Variants in MRPL42 observed in about 807,000 individuals in gnomAD.
MRPL42 encodes the protein large ribosomal subunit protein mL42.
A neutral mutation model predicts 17.9 loss-of-function variants in MRPL42; 17 were observed. That is an observed-to-expected ratio of 0.95 (90% confidence interval 0.65 to 1.42). MRPL42 has a LOEUF of 1.42. Among genes scored for constraint, MRPL42 ranks in the 40% most tolerant of loss-of-function variants. The pLI is 0.00. For missense variants in MRPL42, 177 were observed against 175.2 expected (o/e 1.01, Z -0.06); for synonymous variants, 59 against 54.4 (o/e 1.08, Z -0.37).
Position 93,514,933 on chromosome 12 carries a change from C to T in MRPL42, c.*13712C>T, listed in dbSNP as rs1259026799. 1 of 152,088 alleles carries T rather than the reference C, an allele frequency of 6.6e-6. No homozygotes were observed. The allele number at this position is 152,088 out of a possible 1,614,324, so 9.4% of individuals were successfully genotyped here. On this transcript the variant is annotated 3_prime_UTR_variant, in exon 6 of 6. Coordinates refer to ENST00000549982, the MANE Select transcript of MRPL42 (RefSeq NM_014050.4). ...CATTTTTTAGCAGTCATGTCATCCT[C>T]TTGATTTGCATTGAGTCATCATTTC...
intron 3 of MRPL42, 108 bp from the exon 4 acceptor site, chr12:93,479,280 C>T: frequency 3.3e-6 from 2 of 602,538 alleles, no homozygotes; most frequent in Non-Finnish European, 5.2e-6. Context: ...GCCCACTGCA[C>T]TCCAGCCTGG....
chr12:93,469,308 G>T lies in MRPL42; in HGVS notation c.23G>T (p.Trp8Leu). 6.2e-7 allele frequency: 1 copy of T among 1,611,320 alleles called. No homozygotes were observed. The highest frequency in any genetic ancestry group is 1.1e-5 in the South Asian group (1 of 90,132). ...ACCATGGCTGTAGCTGCAGTAAAATGGGTGATGTCAAAGAGAACTATCTTG... is the reference window on the plus strand; with the variant it reads ...ACCATGGCTGTAGCTGCAGTAAAATTGGTGATGTCAAAGAGAACTATCTTG... MAVAAVK[W>L]VMSKRTILKH... Residue 8 changes from tryptophan to leucine, a missense_variant, in exon 2 of 6, where the codon TGG becomes TTG. Trp to Leu is a moderately conservative substitution (Grantham distance 61, BLOSUM62 -2). Coordinates refer to ENST00000549982, the MANE Select transcript of MRPL42 (RefSeq NM_014050.4).
rs1953764100 is a variant in MRPL42, at chr12:93,514,783, T to C, written c.*13562T>C. 6.6e-6 allele frequency: 1 copy of C among 152,236 alleles called. No individual in the cohort carries two copies. The highest frequency in any genetic ancestry group is 1.5e-5 in the Non-Finnish European group (1 of 68,046). 9.4% of individuals were successfully genotyped at this position (152,236 alleles called of 1,614,324 possible). On this transcript the variant is annotated 3_prime_UTR_variant, in exon 6 of 6. Transcript: ENST00000549982. ...GACATGTTTCCAGAACTCTCCCTTA[T>C]CCTGATTGTCCTCCTTTAGACACAT...
At chr12:93,480,411 G>A (rs199539026) in intron 4 of MRPL42, among the ~76,000 whole-genome samples, 27 of 151,834 alleles carry the variant, frequency 1.8e-4, no homozygotes, top group East Asian at 5.8e-4. Context: ...ATGAGCCACC[G>A]TGCCCGGCCT....
chr12:93,471,119 A>G (rs1365965087), intron 2 of MRPL42, among the ~76,000 whole-genome samples: 1 of 152,204 alleles, frequency 6.6e-6, no homozygotes, highest in Admixed American at 6.5e-5. Flanking sequence ...TACTCAGTAA[A>G]CACCTTTGTT....
At position 93,511,955 on chromosome 12, in the gene MRPL42, GTT is replaced by G. The variant is rs1196274837; in HGVS notation, c.*10735_*10736del. 2.6e-5 allele frequency: 4 copies of G among 152,166 alleles called. No homozygotes were observed. Among genetic ancestry groups the G allele is most frequent in the Admixed American group, 6.5e-5 (1 of 15,272 alleles). 9.4% of individuals were successfully genotyped at this position (152,166 alleles called of 1,614,324 possible). A position where few individuals can be genotyped will look rare whatever the true frequency, so the allele number is the denominator to read the frequency against. ...GCATATCAACTGAACTGTACAGTGT[GTT>G]CAGTGACTTAGTAAAGAACATAACT... is the stretch of plus-strand genomic sequence containing the variant. On this transcript the variant is annotated 3_prime_UTR_variant, in exon 6 of 6. Transcript: ENST00000549982.
chr12:93,485,101 C>G (rs1880677223), intron 4 of MRPL42, among the ~76,000 whole-genome samples: 1 of 144,378 alleles, frequency 6.9e-6, no homozygotes, highest in Admixed American at 7.1e-5. Context: ...TCCTTTGCCA[C>G]TTTGACCTTC....
intron 4 of MRPL42, among the ~76,000 whole-genome samples, chr12:93,486,409 A>G (rs569250626): frequency 3.3e-5 from 5 of 152,158 alleles, no homozygotes; most frequent in South Asian, 4.2e-4. Context: ...CAATGGTGCA[A>G]TCTTGGCTCA....
At chr12:93,487,813 C>G (rs1388354598) in intron 5 of MRPL42, 153 bp downstream of exon 5, 2 of 643,296 alleles carry the variant, frequency 3.1e-6, no homozygotes, top group Non-Finnish European at 5.0e-6. Context: ...TTTTTCTTTT[C>G]TGAGACAGGA....
Position 93,479,417 on chromosome 12 carries a change from G to A in MRPL42, c.164G>A (p.Gly55Asp), listed in dbSNP as rs1016835893. Residue 55 changes from glycine to aspartate, a missense_variant, in exon 4 of 6, where the codon GGC (glycine) becomes GAC (aspartate). Physicochemically the swap from Gly to Asp is moderately conservative, Grantham distance 94 (BLOSUM62 -1). Coordinates refer to ENST00000549982, the MANE Select transcript of MRPL42 (RefSeq NM_014050.4). The part of the protein sequence containing the change: ...CNVELALTSD[G>D]RTIVCYHPSV... ...GTAGAGCTTGCTCTGACTTCTGATG[G>A]CAGGACAATAGTATGCTACCACCCT... 3 of 1,611,224 alleles carry A rather than the reference G, an allele frequency of 1.9e-6. No homozygotes were observed. Among genetic ancestry groups the A allele is most frequent in the African/African-American group, 2.7e-5 (2 of 74,740 alleles).
chr12:93,485,991 A>T (rs896839517), intron 4 of MRPL42, among the ~76,000 whole-genome samples: 3 of 147,270 alleles, frequency 2.0e-5, no homozygotes, highest in Non-Finnish European at 4.4e-5. Context: ...TTGTTTTTAA[A>T]TTTTTTGTAG....
At chr12:93,494,583 A>T (rs1953460675) in intron 5 of MRPL42, among the ~76,000 whole-genome samples, 1 of 152,212 alleles carries the variant, frequency 6.6e-6, no homozygotes, top group Non-Finnish European at 1.5e-5. Flanking sequence ...AGTTAGACAC[A>T]TACCAAGTTA....
At chr12:93,470,879 G>A (rs1879878630) in intron 2 of MRPL42, among the ~76,000 whole-genome samples, 1 of 152,170 alleles carries the variant, frequency 6.6e-6, no homozygotes, top group Non-Finnish European at 1.5e-5. Context: ...TTGTTTCCAT[G>A]TCTTCGCTAT....
At chr12:93,488,353 C>G in intron 5 of MRPL42, 2 of 398,560 alleles carry the variant, frequency 5.0e-6, no homozygotes, top group Middle Eastern at 6.3e-4. Context: ...AGTGATCCTC[C>G]TCCCTCAGCT....
In MRPL42 at chr12:93,487,497, CCT is replaced by C; in HGVS notation, c.221_222del (p.Pro74HisfsTer9). ...ATGTTTGTTACTGATTATTTTGTAG[CCT>C]ATCCCTCGGCCAGATCCTGTGCATA... Reference protein sequence around the residue: ...SVDIPYEHTKPIPRPDPVHNN... With the variant: ...SVDIPYEHTKXIPRPDPVHNN... On this transcript the variant is annotated frameshift_variant and splice_region_variant, in exon 5 of 6. Coordinates refer to ENST00000549982, the MANE Select transcript of MRPL42 (RefSeq NM_014050.4). LOFTEE classifies it high-confidence loss of function. The C allele has an allele frequency of 6.2e-7, 1 of 1,607,460 alleles. No homozygotes were observed. Among genetic ancestry groups the C allele is most frequent in the East Asian group, 2.2e-5 (1 of 44,840 alleles).
intron 4 of MRPL42, among the ~76,000 whole-genome samples, chr12:93,485,515 A>C (rs1468774654): frequency 1.3e-5 from 2 of 151,514 alleles, no homozygotes; most frequent in South Asian, 4.2e-4. Flanking sequence ...TATTTAATAC[A>C]GTGGTAGAAT....
Position 93,515,974 on chromosome 12 carries a change from A to G in MRPL42, c.*14753A>G, listed in dbSNP as rs1472199346. ...ATGAGCAACTGCTACTTTACCAGTG[A>G]CAGCTTTGTCCCAGCTCTAGTCTGC... On this transcript the variant is annotated 3_prime_UTR_variant, in exon 6 of 6. Coordinates refer to ENST00000549982, the MANE Select transcript of MRPL42 (RefSeq NM_014050.4). 1.3e-5 allele frequency: 2 copies of G among 152,218 alleles called. No individual in the cohort carries two copies. The highest frequency in any genetic ancestry group is 2.9e-5 in the Non-Finnish European group (2 of 68,046). 9.4% of individuals were successfully genotyped at this position (152,218 alleles called of 1,614,324 possible).
chr12:93,484,979 CATAT>C (rs4020795), intron 4 of MRPL42, among the ~76,000 whole-genome samples: 669 of 22,422 alleles, frequency 0.03, 18 homozygotes, highest in Non-Finnish European at 0.045. Context: ...CACACACACA[CATAT>C]ATATATATAT....
chr12:93,516,028 A>C lies in MRPL42; in HGVS notation c.*14807A>C, dbSNP rs996210679. The stretch of plus-strand genomic sequence containing the variant: ...CCCTATAGAGAAGATGTATTGAGAT[A>C]ATCATGAAATTCTCCTTCTTTCTGA... On this transcript the variant is annotated 3_prime_UTR_variant, in exon 6 of 6. Transcript: ENST00000549982. 1.3e-5 allele frequency: 2 copies of C among 152,204 alleles called. No individual in the cohort carries two copies. Among genetic ancestry groups the C allele is most frequent in the Admixed American group, 1.3e-4 (2 of 15,280 alleles). The allele number at this position is 152,204 out of a possible 1,614,324, so 9.4% of individuals were successfully genotyped here. A position where few individuals can be genotyped will look rare whatever the true frequency, so the allele number is the denominator to read the frequency against.
Sources: allele counts gnomAD v4.1 joint callset (sites outside exome capture counted in the v4.1 genomes callset), GRCh38; gene constraint gnomAD v4.1.1; transcripts MANE v1.5; gene names NCBI Gene and HGNC (gene_info 2026-07-23, HGNC 2026-07-21).